Variants in PHF5A observed in about 807,000 individuals in gnomAD.
PHF5A encodes the protein PHD finger-like domain-containing protein 5A.
For synonymous variants in PHF5A, 52 were observed against 46.0 expected (o/e 1.13, Z -0.52); for missense variants, 24 against 140.6 (o/e 0.17, Z 4.19).
intron 3 of PHF5A, among the ~76,000 whole-genome samples, chr22:41,463,523 C>G (rs12157485): frequency 3.3e-5 from 5 of 151,830 alleles, no homozygotes; most frequent in African/African-American, 1.2e-4. Flanking sequence ...GTCAGGAGTT[C>G]AAGATCAGCC....
chr22:41,468,484 A>C (rs2037893774), intron 1 of PHF5A, 118 bp downstream of exon 1: 5 of 1,191,840 alleles, frequency 4.2e-6, no homozygotes, highest in Non-Finnish European at 6.1e-6. Flanking sequence ...CCCGCGCCTG[A>C]GAGGCGGGAA....
chr22:41,467,487 A>G lies in PHF5A; in HGVS notation c.204T>C (p.Asp68=). 6 of 1,614,198 alleles carry G rather than the reference A, an allele frequency of 3.7e-6. No homozygotes were observed. The highest frequency in any genetic ancestry group is 5.1e-6 in the Non-Finnish European group (6 of 1,180,032). ...CVICGGPGVS[D]AYYCKECTIQ... ...TGGTGCACTCCTTACAATAATAGGC[A>G]TCAGAGACCCCAGGTCCTCCACAGA... The change falls in exon 3 of 4, where the codon GAT becomes GAC. Residue 68 remains aspartate (D), a synonymous_variant. Coordinates refer to ENST00000216252, the MANE Select transcript of PHF5A (RefSeq NM_032758.4).
At position 41,467,610 on chromosome 22, in the gene PHF5A, A is replaced by T; in HGVS notation, c.81T>A (p.Asp27Glu). The change falls in exon 3 of 4, where the codon GAT becomes GAA. Residue 27 changes from aspartate (D) to glutamate (E), a missense_variant. Coordinates refer to ENST00000216252, the MANE Select transcript of PHF5A (RefSeq NM_032758.4). ...VAIGRLCEKC[D>E]GKCVICDSYV... The stretch of plus-strand genomic sequence containing the variant: ...AGGAGTCACAAATCACACACTTGCC[A>T]TCACCTGTAAGGAAGAGAATGGAGT... 6.2e-7 allele frequency: 1 copy of T among 1,614,150 alleles called. No individual in the cohort carries two copies. Among genetic ancestry groups the T allele is most frequent in the Non-Finnish European group, 8.5e-7 (1 of 1,180,016 alleles).
intron 3 of PHF5A, among the ~76,000 whole-genome samples, chr22:41,463,529 C>T (rs1601865606): frequency 6.6e-6 from 1 of 151,704 alleles, no homozygotes. Flanking sequence ...AGTTCAAGAT[C>T]AGCCTAGCCA....
At chr22:41,467,944 C>G (rs765107806) in intron 2 of PHF5A, 180 bp downstream of exon 2, 1 of 650,464 alleles carries the variant, frequency 1.5e-6, no homozygotes, top group Admixed American at 2.8e-5. Flanking sequence ...TAGAGAGATA[C>G]AGCGTTAAAT....
Position 41,467,398 on chromosome 22 carries a change from G to A in PHF5A, c.243+50C>T, listed in dbSNP as rs761816879. On this transcript the variant is annotated intron_variant, in intron 3 of 3. Coordinates refer to ENST00000216252, the MANE Select transcript of PHF5A (RefSeq NM_032758.4). ...ATAGGAGATTGCAGTGGATGGCAAA[G>A]TGTTACTAAACAAAAGGAGGAAAGG... 2.5e-6 allele frequency: 4 copies of A among 1,573,560 alleles called. No homozygotes were observed. The Admixed American group carries it at 6.8e-5, about 27-fold the overall frequency.
chr22:41,467,761 T>C, intron 2 of PHF5A, 147 bp from the exon 3 acceptor site: 1 of 963,658 alleles, frequency 1.0e-6, no homozygotes, highest in South Asian at 1.7e-5. Flanking sequence ...TCACAAAACT[T>C]GGTTTCCCCA....
intron 3 of PHF5A, among the ~76,000 whole-genome samples, chr22:41,466,320 T>C (rs990660105): frequency 6.6e-6 from 1 of 152,098 alleles, no homozygotes; most frequent in Non-Finnish European, 1.5e-5. Context: ...CAGAGTTGAA[T>C]AGAAAGTAGC....
chr22:41,467,982 G>T lies in PHF5A; in HGVS notation c.76+142C>A, dbSNP rs905556342. 6.2e-6 allele frequency: 5 copies of T among 809,216 alleles called. No homozygotes were observed. In the Admixed American group the frequency reaches 1.0e-4, roughly 17 times the overall value. 50.1% of individuals were successfully genotyped at this position (809,216 alleles called of 1,614,324 possible). ...GCAAGCGGCAGTGGGGAGTTAGAGG[G>T]GCCTTTGGCTAAAGTGCAGCATTCA... is the stretch of plus-strand genomic sequence containing the variant. On this transcript the variant is annotated intron_variant, in intron 2 of 3. Transcript: ENST00000216252.
rs139664124 is a variant in PHF5A, at chr22:41,464,993, T to G, written c.243+2455A>C. 2.0e-3 allele frequency among the ~76,000 whole-genome samples: 303 copies of G among 152,310 alleles called. 3 individuals carry two copies. The highest frequency in any genetic ancestry group is 6.8e-3 in the Middle Eastern group (2 of 294). On this transcript the variant is annotated intron_variant, in intron 3 of 3. Transcript: ENST00000216252. ...CAAATAGACAAACCAAAGTCCTGCCTCTAATGAAGTGTAATCTAGCTAGTA... is the reference window on the plus strand; with the variant it reads ...CAAATAGACAAACCAAAGTCCTGCCGCTAATGAAGTGTAATCTAGCTAGTA...
chr22:41,468,236 T>C (rs1358390276), intron 1 of PHF5A, 89 bp from the exon 2 acceptor site: 7 of 1,349,496 alleles, frequency 5.2e-6, no homozygotes, highest in Non-Finnish European at 7.4e-6. Flanking sequence ...GGTAGGGACA[T>C]GAGTAAGGAC....
chr22:41,462,250 T>G (rs1464694413), intron 3 of PHF5A, among the ~76,000 whole-genome samples: 1 of 152,166 alleles, frequency 6.6e-6, no homozygotes, highest in African/African-American at 2.4e-5. Flanking sequence ...CCCTTACAGG[T>G]CTGTTGATTT....
chr22:41,467,659 TCTG>T (rs1401483193), intron 2 of PHF5A, 45 bp from the exon 3 acceptor site: 2 of 1,597,514 alleles, frequency 1.3e-6, no homozygotes, highest in Admixed American at 3.4e-5. Context: ...TCTTCAGTCC[TCTG>T]CTATCTCCTG....
intron 3 of PHF5A, among the ~76,000 whole-genome samples, chr22:41,461,950 C>T (rs998115777): frequency 6.6e-6 from 1 of 152,182 alleles, no homozygotes; most frequent in African/African-American, 2.4e-5. Flanking sequence ...CGTGAGCCAC[C>T]GTGCCTGGCC....
At chr22:41,463,724 C>CAA (rs11387908) in intron 3 of PHF5A, among the ~76,000 whole-genome samples, 8,690 of 57,056 alleles carry the variant, frequency 0.15, 1,653 homozygotes, top group East Asian at 0.44. Context: ...GACTCTGTCT[C>CAA]AAAAAAAAAA....
chr22:41,465,674 G>A (rs193127344), intron 3 of PHF5A, among the ~76,000 whole-genome samples: 122 of 152,150 alleles, frequency 8.0e-4, no homozygotes, highest in African/African-American at 2.9e-3. Flanking sequence ...AAGGTCAGGA[G>A]TTTGAGTCCA....
At position 41,468,284 on chromosome 22, in the gene PHF5A, T is replaced by C. The variant is rs1443405187; in HGVS notation, c.53-137A>G. ...GACCTGCGGATAGCCATTTTATCAT[T>C]ACAAATTTCCATATGAACCAAACCT... is the stretch of plus-strand genomic sequence containing the variant. On this transcript the variant is annotated intron_variant, in intron 1 of 3. Transcript: ENST00000216252. 6 of 795,306 alleles carry C rather than the reference T, an allele frequency of 7.5e-6. No homozygotes were observed. In the Admixed American group the frequency reaches 1.5e-4, roughly 20 times the overall value. 49.3% of individuals were successfully genotyped at this position (795,306 alleles called of 1,614,324 possible).
chr22:41,462,116 G>A (rs886724790), intron 3 of PHF5A, among the ~76,000 whole-genome samples: 2 of 152,130 alleles, frequency 1.3e-5, no homozygotes, highest in Non-Finnish European at 2.9e-5. Flanking sequence ...AGGCTGCCCT[G>A]GCCATTTGAT....
chr22:41,461,419 C>T (rs2037826836), intron 3 of PHF5A, among the ~76,000 whole-genome samples: 3 of 148,748 alleles, frequency 2.0e-5, no homozygotes, highest in African/African-American at 4.9e-5. Flanking sequence ...GAAGGAATCT[C>T]GCTCTGTCGC....
Sources: gnomAD v4.1 joint callset for allele counts (sites outside exome capture counted in the v4.1 genomes callset) on GRCh38, gnomAD v4.1.1 for gene constraint, MANE v1.5 for transcripts, NCBI Gene and HGNC (gene_info 2026-07-23, HGNC 2026-07-21) for gene names.